The following CSMD1 variants were observed in gnomAD, a reference collection of about 807,000 sequenced individuals.
The protein encoded by CSMD1 is CUB and sushi domain-containing protein 1.
A neutral mutation model predicts 417.5 loss-of-function variants in CSMD1; 213 were observed. That is an observed-to-expected ratio of 0.51 (90% CI 0.46 to 0.57). The LOEUF (loss-of-function observed/expected upper bound fraction) is 0.57, where lower values mean the gene tolerates loss of function less well. Ranked by LOEUF, CSMD1 falls within the 20% of genes least tolerant of loss-of-function variation. The probability of loss-of-function intolerance (pLI) is 0.00; values close to 1 mark genes in which losing one functional copy is unlikely to be tolerated. For missense variants in CSMD1, 6,923 were observed against 4,529.7 expected (o/e 1.53, Z -15.17); for synonymous variants, 2,862 against 1,736.8 (o/e 1.65, Z -16.11).
intron 46 of CSMD1, among the ~76,000 whole-genome samples, chr8:3,100,436 C>T (rs1815652043): frequency 6.6e-6 from 1 of 152,198 alleles, no homozygotes. Flanking sequence ...TAAACTGTTG[C>T]TTAGAGCAAT....
chr8:2,959,932 A>G (rs1563181742), intron 62 of CSMD1, among the ~76,000 whole-genome samples: 1 of 152,152 alleles, frequency 6.6e-6, no homozygotes, highest in Non-Finnish European at 1.5e-5. Context: ...AAAATCAATT[A>G]TTCGTGTTAG....
chr8:3,684,492 A>C (rs1283779973), intron 7 of CSMD1, among the ~76,000 whole-genome samples: 1 of 151,220 alleles, frequency 6.6e-6, no homozygotes, highest in Non-Finnish European at 1.5e-5. Context: ...TTTGCTTGCT[A>C]ATTATGAACA....
At chr8:4,080,006 T>C (rs1429105914) in intron 3 of CSMD1, among the ~76,000 whole-genome samples, 2 of 151,808 alleles carry the variant, frequency 1.3e-5, no homozygotes, top group Non-Finnish European at 1.5e-5. Flanking sequence ...TATTGGTGTT[T>C]TTTTTTTTTT....
chr8:3,087,656 T>G (rs773923109), intron 48 of CSMD1, among the ~76,000 whole-genome samples: 4 of 152,186 alleles, frequency 2.6e-5, no homozygotes, highest in African/African-American at 4.8e-5. Flanking sequence ...TAAAAGAAAC[T>G]GCAGAAAAAT....
At chr8:3,670,151 T>A (rs1798911992) in intron 7 of CSMD1, among the ~76,000 whole-genome samples, 1 of 152,036 alleles carries the variant, frequency 6.6e-6, no homozygotes, top group Non-Finnish European at 1.5e-5. Flanking sequence ...AGGAGATTAA[T>A]ATTTGAGTCA....
chr8:4,032,873 G>C (rs986481887), intron 3 of CSMD1, among the ~76,000 whole-genome samples: 4 of 152,086 alleles, frequency 2.6e-5, no homozygotes, highest in African/African-American at 9.7e-5. Flanking sequence ...TGAAAAACTA[G>C]GTCAGGCCGT....
chr8:4,410,952 A>G (rs1412030045), intron 3 of CSMD1, among the ~76,000 whole-genome samples: 2 of 152,176 alleles, frequency 1.3e-5, no homozygotes, highest in Non-Finnish European at 2.9e-5. Flanking sequence ...TAGTGGGACT[A>G]GGTTAGTTAT....
Position 3,159,377 on chromosome 8 carries a change from TA to T in CSMD1, c.5845-1412del, listed in dbSNP as rs1389054705. Among the ~76,000 whole-genome samples the T allele has an allele frequency of 4.6e-5, 7 of 152,300 alleles. No individual in the cohort carries two copies. The East Asian group carries it at 1.4e-3, about 29-fold the overall frequency. On this transcript the variant is annotated intron_variant, in intron 38 of 69. Coordinates refer to ENST00000635120, the MANE Select transcript of CSMD1 (RefSeq NM_033225.6). ...CAATGGGAATTTTCTTTTTTATGTT[TA>T]AAAAGACCATTAAAACAAGTTGAGA... is the stretch of plus-strand genomic sequence containing the variant.
chr8:4,760,713 T>C (rs1163672829), intron 1 of CSMD1, among the ~76,000 whole-genome samples: 4 of 152,176 alleles, frequency 2.6e-5, no homozygotes, highest in African/African-American at 9.7e-5. Context: ...TAATAAAAGG[T>C]GTATTTTGTA....
At chr8:3,522,159 A>C (rs989107955) in intron 10 of CSMD1, among the ~76,000 whole-genome samples, 1 of 152,206 alleles carries the variant, frequency 6.6e-6, no homozygotes, top group East Asian at 1.9e-4. Flanking sequence ...AAGTCAAATT[A>C]TTCGAAGTGT....
At chr8:4,517,339 G>C (rs1268807113) in intron 2 of CSMD1, among the ~76,000 whole-genome samples, 3 of 152,160 alleles carry the variant, frequency 2.0e-5, no homozygotes, top group Non-Finnish European at 4.4e-5. Context: ...GATTGCACCA[G>C]TTGCTAATTT....
chr8:3,087,249 C>A lies in CSMD1; in HGVS notation c.7322G>T (p.Gly2441Val). 1.9e-6 allele frequency: 3 copies of A among 1,613,948 alleles called. No homozygotes were observed. Among genetic ancestry groups the A allele is most frequent in the Non-Finnish European group, 2.5e-6 (3 of 1,179,874 alleles). The change falls in exon 49 of 70, where the codon GGG (glycine) becomes GTG (valine). Residue 2441 changes from glycine (G) to valine (V), a missense_variant. Physicochemically the swap from Gly to Val is moderately radical, Grantham distance 109. Transcript: ENST00000635120. Reference protein sequence around the residue: ...YCSLTHPLKNGGILNRTAGAV... With the variant: ...YCSLTHPLKNVGILNRTAGAV... ...TCCTGCAGTCCTGTTTAGAATACCC[C>A]CATTCTTCAGGGGGTGGGTCAAACT...
At chr8:4,314,820 C>A (rs1585214894) in intron 3 of CSMD1, among the ~76,000 whole-genome samples, 1 of 152,090 alleles carries the variant, frequency 6.6e-6, no homozygotes, top group South Asian at 2.1e-4. Context: ...AGGAAAAGGG[C>A]AAAGGATTTT....
intron 2 of CSMD1, among the ~76,000 whole-genome samples, chr8:4,503,174 T>G (rs1802346974): frequency 6.6e-6 from 1 of 152,206 alleles, no homozygotes; most frequent in South Asian, 2.1e-4. Flanking sequence ...ATAGTCTCTC[T>G]TATCATCCGT....
chr8:3,719,412 C>G (rs1040849327), intron 6 of CSMD1, among the ~76,000 whole-genome samples: 96 of 152,270 alleles, frequency 6.3e-4, no homozygotes, highest in African/African-American at 2.3e-3. Flanking sequence ...CCCTAAAAGT[C>G]TAGTTTCTCA....
intron 3 of CSMD1, among the ~76,000 whole-genome samples, chr8:4,366,155 G>C (rs1802056428): frequency 6.6e-6 from 1 of 151,926 alleles, no homozygotes; most frequent in Admixed American, 6.6e-5. Context: ...TTTCACTCCC[G>C]TTTATGAGAA....
chr8:3,485,524 A>AGTACACAC (rs1280968666), intron 11 of CSMD1, among the ~76,000 whole-genome samples: 3 of 58,748 alleles, frequency 5.1e-5, no homozygotes, highest in Non-Finnish European at 3.6e-5. Context: ...ACTTCATAAC[A>AGTACACAC]ATACACACAC....
At chr8:3,867,832 C>T (rs1017031013) in intron 5 of CSMD1, among the ~76,000 whole-genome samples, 1 of 152,084 alleles carries the variant, frequency 6.6e-6, no homozygotes, top group African/African-American at 2.4e-5. Flanking sequence ...CAATTCTAGG[C>T]CTCCATTTCC....
chr8:3,323,015 G>T (rs1806255519), intron 23 of CSMD1, among the ~76,000 whole-genome samples: 2 of 152,098 alleles, frequency 1.3e-5, no homozygotes, highest in African/African-American at 2.4e-5. Context: ...CACAGTCATG[G>T]TTTATTCCTT....
Sources: allele counts gnomAD v4.1 joint callset (sites outside exome capture counted in the v4.1 genomes callset), GRCh38; gene constraint gnomAD v4.1.1; transcripts MANE v1.5; gene names NCBI Gene and HGNC (gene_info 2026-07-23, HGNC 2026-07-21).